The following RASGEF1A variants were observed in gnomAD, a reference collection of about 807,000 sequenced individuals.
The protein encoded by RASGEF1A is ras-GEF domain-containing family member 1A.
Under a neutral mutation model 56.4 loss-of-function variants are expected in RASGEF1A, and 18 were observed. That is an observed-to-expected ratio of 0.32 (90% CI 0.22 to 0.47). The LOEUF (loss-of-function observed/expected upper bound fraction) is 0.47, where lower values mean the gene tolerates loss of function less well. Among genes scored for constraint, RASGEF1A ranks in the 20% least tolerant of loss-of-function variants. The pLI, the probability that RASGEF1A is intolerant of heterozygous loss-of-function variation, is 1.00. For missense variants in RASGEF1A, 422 were observed against 627.1 expected (o/e 0.67, Z 3.49); for synonymous variants, 245 against 242.6 (o/e 1.01, Z -0.09).
chr10:43,208,825 A>C, intron 1 of RASGEF1A: 1 of 985,498 alleles, frequency 1.0e-6, no homozygotes, highest in Non-Finnish European at 1.2e-6. Context: ...TCCAGGGCTC[A>C]GTGCCAAGTG....
chr10:43,196,513 C>T lies in RASGEF1A; in HGVS notation c.1384G>A (p.Glu462Lys). 2 of 1,613,950 alleles carry T rather than the reference C, an allele frequency of 1.2e-6. No homozygotes were observed. Among genetic ancestry groups the T allele is most frequent in the Non-Finnish European group, 1.7e-6 (2 of 1,180,022 alleles). The change falls in exon 12 of 13, where the codon GAG becomes AAG. Residue 462 changes from glutamate (E) to lysine (K), a missense_variant. Glu to Lys is a moderately conservative substitution (Grantham distance 56). This residue lies in a region of RASGEF1A where 149 missense variants were observed against 287.2 expected (regional missense o/e 0.52). Transcript: ENST00000395810. The surrounding 1 kb of genome is among the most constrained non-coding windows in gnomAD (Gnocchi z 4.6). Reference protein sequence around the residue: ...FVASFESEGPENHMEKDSWKT... With the variant: ...FVASFESEGPKNHMEKDSWKT... ...CAGCTGTCTTTTTCCATGTGGTTCTCGGGACCCTCACTTTCAAAGGAGGCG... is the reference window on the plus strand; with the variant it reads ...CAGCTGTCTTTTTCCATGTGGTTCTTGGGACCCTCACTTTCAAAGGAGGCG...
chr10:43,207,142 CTGCCTGTGGCCT>C (rs1840007422), intron 1 of RASGEF1A: 1 of 985,332 alleles, frequency 1.0e-6, no homozygotes, highest in African/African-American at 1.7e-5. Context: ...CAGAGGTGGC[CTGCCTGTGGCCT>C]TGCCTGCACA....
chr10:43,226,033 T>G (rs7915431), intron 1 of RASGEF1A, among the ~76,000 whole-genome samples: 70,523 of 150,294 alleles, frequency 0.47, 17,367 homozygotes, highest in East Asian at 0.71. Flanking sequence ...GGGTGGGGGC[T>G]GGGTTATTCC....
At chr10:43,218,736 G>A (rs987697108) in intron 1 of RASGEF1A, among the ~76,000 whole-genome samples, 3 of 152,268 alleles carry the variant, frequency 2.0e-5, no homozygotes, top group Non-Finnish European at 2.9e-5. Flanking sequence ...GCCTCAGGCC[G>A]GACTCCAACA....
chr10:43,243,637 C>T (rs3107331), intron 1 of RASGEF1A, among the ~76,000 whole-genome samples: 79,037 of 146,076 alleles, frequency 0.54, 21,378 homozygotes, highest in African/African-American at 0.63. Context: ...CTGGCTGCCC[C>T]GCCTGGGAAG....
chr10:43,219,484 G>A lies in RASGEF1A; in HGVS notation c.-6-13362C>T, dbSNP rs139277691. 4.4e-3 allele frequency among the ~76,000 whole-genome samples: 671 copies of A among 152,332 alleles called. 5 individuals carry two copies. The highest frequency in any genetic ancestry group is 7.2e-3 in the Admixed American group (110 of 15,312). Reference sequence around the variant, plus strand: ...ACTGATGATGACAGGACAGAGCAGGGTGTCCTGCTGCTCATCAGTTCTGGG... The same window carrying A: ...ACTGATGATGACAGGACAGAGCAGGATGTCCTGCTGCTCATCAGTTCTGGG... On this transcript the variant is annotated intron_variant, in intron 1 of 12. Coordinates refer to ENST00000395810, the MANE Select transcript of RASGEF1A (RefSeq NM_145313.4).
chr10:43,199,281 A>G, intron 7 of RASGEF1A, 87 bp from the exon 8 acceptor site: 1 of 1,022,588 alleles, frequency 9.8e-7, no homozygotes, highest in Non-Finnish European at 1.5e-6. Flanking sequence ...AGGGGCAGGG[A>G]GGACCTCGGG....
At chr10:43,202,673 T>G in intron 3 of RASGEF1A, 1 of 241,372 alleles carries the variant, frequency 4.1e-6, no homozygotes, top group Non-Finnish European at 8.8e-6. Context: ...AGCCCGCAAC[T>G]CTGCAGCTTT....
intron 1 of RASGEF1A, among the ~76,000 whole-genome samples, chr10:43,265,823 G>T (rs534396383): frequency 6.6e-6 from 1 of 152,204 alleles, no homozygotes. Context: ...CGGAGGGGGC[G>T]GGAGAACCCT....
At chr10:43,231,039 A>C (rs1003825048) in intron 1 of RASGEF1A, among the ~76,000 whole-genome samples, 2 of 152,214 alleles carry the variant, frequency 1.3e-5, no homozygotes. Flanking sequence ...AGCATGCACT[A>C]TACATTACTG....
At chr10:43,234,733 C>T (rs1840409911) in intron 1 of RASGEF1A, among the ~76,000 whole-genome samples, 2 of 152,220 alleles carry the variant, frequency 1.3e-5, no homozygotes, top group Admixed American at 6.5e-5. Flanking sequence ...CCTCTCTATC[C>T]TCTCCAGGGC....
rs920133081 is a variant in RASGEF1A at position 43,208,311 on chromosome 10, C to T, written c.-6-2189G>A. On this transcript the variant is annotated intron_variant, in intron 1 of 12. Transcript: ENST00000395810. ...GTCAGGAGGTAGTATGTGGGGGATG[C>T]ACTCTGACACCCCACAAACTCAGCC... The T allele has an allele frequency of 3.7e-5, 36 of 985,772 alleles. No individual in the cohort carries two copies. In the African/African-American group the frequency reaches 5.8e-4, roughly 16 times the overall value. 61.1% of individuals were successfully genotyped at this position (985,772 alleles called of 1,614,324 possible).
intron 8 of RASGEF1A, 37 bp downstream of exon 8, chr10:43,199,055 C>A (rs1839848587): frequency 6.2e-7 from 1 of 1,610,144 alleles, no homozygotes; most frequent in East Asian, 2.2e-5. Context: ...GGGGGTGGGC[C>A]ATGCAGCAGC....
At chr10:43,245,345 C>T (rs931998231) in intron 1 of RASGEF1A, among the ~76,000 whole-genome samples, 6 of 152,146 alleles carry the variant, frequency 3.9e-5, no homozygotes, top group Non-Finnish European at 1.5e-5. Context: ...GTGAATTCTG[C>T]CAAACACTTA....
intron 1 of RASGEF1A, among the ~76,000 whole-genome samples, chr10:43,257,678 C>T (rs1277155016): frequency 6.6e-6 from 1 of 152,226 alleles, no homozygotes; most frequent in African/African-American, 2.4e-5. Flanking sequence ...GCGGTGCCCT[C>T]CCCATTCTAA....
Position 43,222,983 on chromosome 10 carries a change from G to C in RASGEF1A, c.-6-16861C>G, listed in dbSNP as rs1381163436. On this transcript the variant is annotated intron_variant, in intron 1 of 12. Coordinates refer to ENST00000395810, the MANE Select transcript of RASGEF1A (RefSeq NM_145313.4). ...TGTGCTAAATGGCTGAGAGTGGAGA[G>C]TAAGAAAAACACTTTATTGGTTTTT... is the stretch of plus-strand genomic sequence containing the variant. Among the ~76,000 whole-genome samples the C allele has an allele frequency of 8.7e-5, 13 of 149,674 alleles. No homozygotes were observed. The Admixed American group carries it at 8.7e-4, about 10-fold the overall frequency.
At chr10:43,252,327 A>C (rs962570192) in intron 1 of RASGEF1A, among the ~76,000 whole-genome samples, 2 of 152,126 alleles carry the variant, frequency 1.3e-5, no homozygotes, top group Non-Finnish European at 2.9e-5. Context: ...AGACCAGCAC[A>C]CCCACCTCTC....
At chr10:43,208,412 GC>G in intron 1 of RASGEF1A, 1 of 985,588 alleles carries the variant, frequency 1.0e-6, no homozygotes, top group South Asian at 4.7e-5. Flanking sequence ...TAGGAGGCCT[GC>G]CTAGGAGTTG....
At chr10:43,252,825 G>A (rs1466726120) in intron 1 of RASGEF1A, among the ~76,000 whole-genome samples, 1 of 151,972 alleles carries the variant, frequency 6.6e-6, no homozygotes, top group Admixed American at 6.6e-5. Context: ...GCGGGAGGCA[G>A]CACCCGAGAG....
Sources: allele counts gnomAD v4.1 joint callset (sites outside exome capture counted in the v4.1 genomes callset), GRCh38; gene constraint gnomAD v4.1.1; regional missense constraint gnomAD v4.1.1; non-coding constraint Gnocchi (gnomAD v3.1); transcripts MANE v1.5; gene names NCBI Gene and HGNC (gene_info 2026-07-23, HGNC 2026-07-21).